Variants in PYGO1 observed in about 807,000 individuals in gnomAD.
PYGO1 encodes pygopus family PHD finger 1, also known as pygopus homolog 1.
A neutral mutation model predicts 29.5 loss-of-function variants in PYGO1; 6 were observed. That is an observed-to-expected ratio of 0.20 (90% confidence interval 0.11 to 0.40). The LOEUF is 0.40. PYGO1 is among the 10% of genes least tolerant of loss of function. The pLI is 1.00. For synonymous variants in PYGO1, 186 were observed against 180.5 expected, an observed-to-expected ratio of 1.03 and a Z score of -0.24; for missense variants, 515 against 514.9, an observed-to-expected ratio of 1.00 and a Z score of 0.00.
At position 55,588,098 on chromosome 15, in the gene PYGO1, G is replaced by A. The variant is rs923024028; in HGVS notation, c.-215C>T. On this transcript the variant is annotated 5_prime_UTR_variant, in exon 1 of 3. Coordinates refer to ENST00000563719, the MANE Select transcript of PYGO1 (RefSeq NM_001367806.1). ...GGCGGGGCGGCGGGGCGGCGTGCGG[G>A]CACCGGCGGGGCTCAGCGGCGGTGG... 41 of 975,692 alleles carry A rather than the reference G, an allele frequency of 4.2e-5. No homozygotes were observed. The African/African-American group carries it at 6.0e-4, about 14-fold the overall frequency. The allele number at this position is 975,692 out of a possible 1,614,324, so 60.4% of individuals were successfully genotyped here. A position where few individuals can be genotyped will look rare whatever the true frequency, so the allele number is the denominator to read the frequency against.
intron 1 of PYGO1, among the ~76,000 whole-genome samples, chr15:55,569,683 T>G (rs1410850759): frequency 4.6e-5 from 7 of 152,208 alleles, no homozygotes; most frequent in African/African-American, 1.7e-4. Flanking sequence ...TCAATTTTTT[T>G]GAATTTATTG....
At chr15:55,579,432 A>G (rs2059017081) in intron 1 of PYGO1, among the ~76,000 whole-genome samples, 1 of 152,234 alleles carries the variant, frequency 6.6e-6, no homozygotes, top group Non-Finnish European at 1.5e-5. Flanking sequence ...TAAATAGAAA[A>G]AGGTAATTCT....
chr15:55,583,518 T>G (rs1027021500), intron 1 of PYGO1, among the ~76,000 whole-genome samples: 1 of 152,196 alleles, frequency 6.6e-6, no homozygotes. Context: ...TTGTTTGTTT[T>G]TGTTTTCTTT....
At chr15:55,588,835 A>G (rs777600024), upstream of PYGO1, 84 of 1,613,804 alleles carry the variant, frequency 5.2e-5, no homozygotes, top group East Asian at 1.4e-3. Context: ...CGGGAGCTGG[A>G]GAGTTCTCGG....
intron 1 of PYGO1, among the ~76,000 whole-genome samples, chr15:55,574,082 C>A (rs972019834): frequency 6.6e-6 from 1 of 152,252 alleles, no homozygotes; most frequent in Non-Finnish European, 1.5e-5. Context: ...ACTAGTGGCA[C>A]TTTATATGGG....
At chr15:55,588,768 C>G (rs772469785), upstream of PYGO1, 16 of 1,606,158 alleles carry the variant, frequency 1.0e-5, no homozygotes, top group African/African-American at 1.3e-5. Flanking sequence ...GCAGGCGTCT[C>G]GGCCTCGCAG....
intron 1 of PYGO1, among the ~76,000 whole-genome samples, chr15:55,586,989 C>G (rs981798015): frequency 5.9e-5 from 9 of 152,216 alleles, no homozygotes; most frequent in African/African-American, 2.2e-4. Flanking sequence ...ATCCCAGTAA[C>G]AAGAACAGTG....
chr15:55,579,473 C>A (rs2059017215), intron 1 of PYGO1, among the ~76,000 whole-genome samples: 1 of 152,030 alleles, frequency 6.6e-6, no homozygotes, highest in Non-Finnish European at 1.5e-5. Context: ...ATAAATTAAT[C>A]TCCAATCTCT....
At chr15:55,570,635 T>A (rs1196251588) in intron 1 of PYGO1, among the ~76,000 whole-genome samples, 1 of 152,130 alleles carries the variant, frequency 6.6e-6, no homozygotes, top group African/African-American at 2.4e-5. Context: ...TTTTTACATT[T>A]ATAAAAATGT....
intron 1 of PYGO1, among the ~76,000 whole-genome samples, chr15:55,579,017 T>C (rs185069114): frequency 5.3e-4 from 80 of 152,330 alleles, no homozygotes; most frequent in African/African-American, 1.9e-3. Flanking sequence ...AACTTCTATA[T>C]TTTAATTTTA....
At chr15:55,551,302 T>C (rs2058877687) in intron 1 of PYGO1, among the ~76,000 whole-genome samples, 1 of 152,218 alleles carries the variant, frequency 6.6e-6, no homozygotes, top group Non-Finnish European at 1.5e-5. Flanking sequence ...TGATTTTCTT[T>C]AACAGTTGTA....
chr15:55,556,298 G>A (rs1047216460), intron 1 of PYGO1, among the ~76,000 whole-genome samples: 1 of 151,730 alleles, frequency 6.6e-6, no homozygotes, highest in African/African-American at 2.4e-5. Context: ...AATCATAACA[G>A]TCTCTCACAC....
chr15:55,569,109 T>C (rs12439612), intron 1 of PYGO1, among the ~76,000 whole-genome samples: 59,401 of 151,892 alleles, frequency 0.39, 14,630 homozygotes, highest in Non-Finnish European at 0.56. Context: ...GGACTCATTC[T>C]ACTTTATAGA....
At chr15:55,587,444 T>C (rs1281948893) in intron 1 of PYGO1, among the ~76,000 whole-genome samples, 2 of 151,780 alleles carry the variant, frequency 1.3e-5, no homozygotes, top group Non-Finnish European at 2.9e-5. Flanking sequence ...CATCAACTCT[T>C]GTGTACTCCA....
At position 55,539,791 on chromosome 15, in the gene PYGO1, C is replaced by G. The variant is rs993345896; in HGVS notation, c.*6232G>C. 2 of 151,890 alleles carry G rather than the reference C, an allele frequency of 1.3e-5. No homozygotes were observed. Among genetic ancestry groups the G allele is most frequent in the African/African-American group, 4.8e-5 (2 of 41,392 alleles). The allele number at this position is 151,890 out of a possible 1,614,324, so 9.4% of individuals were successfully genotyped here. On this transcript the variant is annotated 3_prime_UTR_variant, in exon 3 of 3. Coordinates refer to ENST00000563719, the MANE Select transcript of PYGO1 (RefSeq NM_001367806.1). Reference sequence around the variant, plus strand: ...CCACAATCAAAAGTACAAAATATACCATAACCATGCCGAATATGATGCAGT... The same window carrying G: ...CCACAATCAAAAGTACAAAATATACGATAACCATGCCGAATATGATGCAGT...
At chr15:55,587,597 G>A (rs903348792) in intron 1 of PYGO1, among the ~76,000 whole-genome samples, 2 of 151,966 alleles carry the variant, frequency 1.3e-5, no homozygotes, top group South Asian at 2.1e-4. Context: ...GCTGCTTGCG[G>A]CTCCAACTGC....
At chr15:55,583,569 T>G (rs573733942) in intron 1 of PYGO1, among the ~76,000 whole-genome samples, 1 of 152,246 alleles carries the variant, frequency 6.6e-6, no homozygotes, top group African/African-American at 2.4e-5. Flanking sequence ...TAGGCTGGAG[T>G]GTCTTGGTGT....
chr15:55,552,285 C>A (rs191595394), intron 1 of PYGO1, among the ~76,000 whole-genome samples: 2 of 147,130 alleles, frequency 1.4e-5, no homozygotes, highest in East Asian at 4.1e-4. Context: ...GAGTCTGGGA[C>A]GCAGAGGTTC....
At chr15:55,569,659 C>T (rs910884008) in intron 1 of PYGO1, among the ~76,000 whole-genome samples, 31 of 152,298 alleles carry the variant, frequency 2.0e-4, no homozygotes, top group African/African-American at 6.5e-4. Flanking sequence ...TCCAAAAGTA[C>T]TGTTGGTAGG....
Sources: gnomAD v4.1 joint callset for allele counts (sites outside exome capture counted in the v4.1 genomes callset) on GRCh38, gnomAD v4.1.1 for gene constraint, MANE v1.5 for transcripts, NCBI Gene and HGNC (gene_info 2026-07-23, HGNC 2026-07-21) for gene names.